Variants in GRIA4 observed in about 807,000 individuals in gnomAD.
GRIA4 encodes glutamate receptor 4.
A neutral mutation model predicts 104.0 loss-of-function variants in GRIA4; 34 were observed. The ratio of observed to expected loss-of-function variants is 0.33; its 90% CI spans 0.25 to 0.44. GRIA4 has a LOEUF of 0.44. Ranked by LOEUF, GRIA4 falls within the 20% of genes least tolerant of loss-of-function variation. The probability of loss-of-function intolerance (pLI) is 1.00; values close to 1 mark genes in which losing one functional copy is unlikely to be tolerated. For missense variants in GRIA4, 750 were observed against 1,096.5 expected (o/e 0.68, Z 4.46); for synonymous variants, 386 against 381.9 (o/e 1.01, Z -0.13).
intron 3 of GRIA4, among the ~76,000 whole-genome samples, chr11:105,632,766 T>C (rs1198104494): frequency 6.6e-6 from 1 of 152,140 alleles, no homozygotes; most frequent in South Asian, 2.1e-4. Flanking sequence ...GGACCCCGTT[T>C]CTCCAAAATA....
intron 14 of GRIA4, among the ~76,000 whole-genome samples, chr11:105,956,216 G>A (rs374901565): frequency 1.1e-4 from 16 of 151,990 alleles, no homozygotes; most frequent in African/African-American, 3.4e-4. Context: ...CCATCAACTC[G>A]TCATTTACAT....
At chr11:105,683,927 T>C (rs1440652336) in intron 3 of GRIA4, among the ~76,000 whole-genome samples, 2 of 151,684 alleles carry the variant, frequency 1.3e-5, no homozygotes, top group East Asian at 3.9e-4. Flanking sequence ...CAGGCTGGAG[T>C]GCAATGGCGC....
At chr11:105,635,803 TA>T (rs1303656540) in intron 3 of GRIA4, among the ~76,000 whole-genome samples, 2 of 152,230 alleles carry the variant, frequency 1.3e-5, no homozygotes. Context: ...CATTTTCACT[TA>T]GAATTTAAGT....
At chr11:105,812,956 C>T (rs144712730) in intron 4 of GRIA4, among the ~76,000 whole-genome samples, 1 of 151,848 alleles carries the variant, frequency 6.6e-6, no homozygotes, top group African/African-American at 2.4e-5. Flanking sequence ...AAAAAATTAG[C>T]TGGGCATAAT....
chr11:105,647,382 G>T (rs1253731483), intron 3 of GRIA4, among the ~76,000 whole-genome samples: 1 of 152,146 alleles, frequency 6.6e-6, no homozygotes, highest in Non-Finnish European at 1.5e-5. Flanking sequence ...AAGACAGTGT[G>T]ATGATTCCTC....
At chr11:105,904,698 T>C (rs1357751106) in intron 8 of GRIA4, among the ~76,000 whole-genome samples, 1 of 152,164 alleles carries the variant, frequency 6.6e-6, no homozygotes, top group Non-Finnish European at 1.5e-5. Flanking sequence ...GTTCAAAACA[T>C]AGGTAAAAGC....
intron 14 of GRIA4, among the ~76,000 whole-genome samples, chr11:105,940,007 T>TC (rs1276985049): frequency 2.0e-5 from 3 of 152,088 alleles, no homozygotes; most frequent in Non-Finnish European, 4.4e-5. Context: ...AGTGGATTCC[T>TC]CCCCTTATGA....
chr11:105,956,854 G>C (rs1037535921), intron 14 of GRIA4, among the ~76,000 whole-genome samples: 1 of 152,148 alleles, frequency 6.6e-6, no homozygotes, highest in Non-Finnish European at 1.5e-5. Flanking sequence ...TTCTCTGATG[G>C]CCAGTGATGA....
intron 4 of GRIA4, among the ~76,000 whole-genome samples, chr11:105,833,765 G>C (rs1269133307): frequency 6.6e-6 from 1 of 151,844 alleles, no homozygotes; most frequent in Non-Finnish European, 1.5e-5. Flanking sequence ...GCTATGTGCT[G>C]TCAAAAGTGT....
chr11:105,628,028 A>C (rs141663625), intron 3 of GRIA4, among the ~76,000 whole-genome samples: 1 of 152,140 alleles, frequency 6.6e-6, no homozygotes, highest in Admixed American at 6.6e-5. Context: ...TGAGTTGAAC[A>C]ATTGCAAGAT....
chr11:105,841,514 G>A (rs1379850715), intron 4 of GRIA4, among the ~76,000 whole-genome samples: 1 of 152,106 alleles, frequency 6.6e-6, no homozygotes, highest in Admixed American at 6.6e-5. Flanking sequence ...GGATAGTGTG[G>A]AGCGTTTTCT....
At chr11:105,761,074 T>C (rs180907852) in intron 4 of GRIA4, among the ~76,000 whole-genome samples, 3 of 152,270 alleles carry the variant, frequency 2.0e-5, no homozygotes, top group Admixed American at 2.0e-4. Context: ...TACAAGGAAA[T>C]CTCCCACCTT....
At chr11:105,777,754 C>T (rs1941514102) in intron 4 of GRIA4, among the ~76,000 whole-genome samples, 1 of 152,158 alleles carries the variant, frequency 6.6e-6, no homozygotes, top group East Asian at 1.9e-4. Flanking sequence ...TCATCTCAAT[C>T]ATTTTAATCT....
chr11:105,720,604 A>T (rs1184524727), intron 3 of GRIA4, among the ~76,000 whole-genome samples: 1 of 152,222 alleles, frequency 6.6e-6, no homozygotes, highest in Admixed American at 6.5e-5. Context: ...TCTTGACTTT[A>T]CAGTCAAATT....
chr11:105,740,628 AAAT>A lies in GRIA4; in HGVS notation c.248-12350_248-12348del, dbSNP rs558868549. Among the ~76,000 whole-genome samples, 5 of 152,336 alleles carry A rather than the reference AAAT, an allele frequency of 3.3e-5. No homozygotes were observed. The South Asian group carries it at 1.0e-3, about 32-fold the overall frequency. On this transcript the variant is annotated intron_variant, in intron 3 of 16. Coordinates refer to ENST00000282499, the MANE Select transcript of GRIA4 (RefSeq NM_000829.4). Reference sequence around the variant, plus strand: ...CAAATAGTGGTAAGAGCTATGAAGAAAATAACTGTAGTAAGGAATGACTGGAGC... The same window carrying A: ...CAAATAGTGGTAAGAGCTATGAAGAAAACTGTAGTAAGGAATGACTGGAGC...
chr11:105,957,330 G>A (rs1372839532), intron 14 of GRIA4, among the ~76,000 whole-genome samples: 1 of 152,108 alleles, frequency 6.6e-6, no homozygotes, highest in African/African-American at 2.4e-5. Context: ...TCTACATATG[G>A]CTAGCCAGTT....
intron 4 of GRIA4, among the ~76,000 whole-genome samples, chr11:105,826,813 A>G (rs984994211): frequency 2.0e-5 from 3 of 152,026 alleles, no homozygotes; most frequent in Non-Finnish European, 4.4e-5. Flanking sequence ...TTGTCAAGGA[A>G]GTCTCCTGTG....
intron 2 of GRIA4, among the ~76,000 whole-genome samples, chr11:105,611,805 A>G (rs1046098818): frequency 2.0e-5 from 3 of 152,254 alleles, no homozygotes; most frequent in Admixed American, 6.5e-5. Context: ...TGGACTGTGC[A>G]TAAAACGGAG....
At chr11:105,804,081 T>G (rs1435743929) in intron 4 of GRIA4, among the ~76,000 whole-genome samples, 1 of 151,960 alleles carries the variant, frequency 6.6e-6, no homozygotes, top group Non-Finnish European at 1.5e-5. Flanking sequence ...TATTACCTAC[T>G]TATGCTTGAT....
Sources: allele counts gnomAD v4.1 joint callset (sites outside exome capture counted in the v4.1 genomes callset), GRCh38; gene constraint gnomAD v4.1.1; transcripts MANE v1.5; gene names NCBI Gene and HGNC (gene_info 2026-07-23, HGNC 2026-07-21).